ABCA13: variants seen among roughly 807,000 people sequenced by gnomAD.
ABCA13 encodes ATP-binding cassette sub-family A member 13.
In ABCA13, 476 loss-of-function variants were observed where a neutral mutation model predicts 478.7. That is an observed-to-expected ratio of 0.99 (90% CI 0.92 to 1.07). ABCA13 has a LOEUF of 1.07. ABCA13 is among the 50% of genes least tolerant of loss of function. The pLI, the probability that ABCA13 is intolerant of heterozygous loss-of-function variation, is 0.00. For missense variants in ABCA13, 6,060 were observed against 5,910.6 expected (o/e 1.03, Z -0.83); for synonymous variants, 2,252 against 2,158.9 (o/e 1.04, Z -1.20).
intron 15 of ABCA13, among the ~76,000 whole-genome samples, chr7:48,258,090 A>G (rs1156695464): frequency 6.6e-6 from 1 of 151,936 alleles, no homozygotes; most frequent in Non-Finnish European, 1.5e-5. Context: ...TGCCCAGCTT[A>G]TTTTTAAATT....
intron 1 of ABCA13, among the ~76,000 whole-genome samples, chr7:48,181,550 GT>G (rs201965087): frequency 0.026 from 3,811 of 149,324 alleles, 170 homozygotes; most frequent in African/African-American, 0.088. Context: ...GTTGTATAAT[GT>G]TTTATCTTTT....
intron 59 of ABCA13, among the ~76,000 whole-genome samples, chr7:48,639,219 T>C (rs1457192104): frequency 2.0e-5 from 3 of 152,230 alleles, no homozygotes; most frequent in Non-Finnish European, 4.4e-5. Context: ...AGATGCCAGC[T>C]ACACATCAAG....
intron 55 of ABCA13, among the ~76,000 whole-genome samples, chr7:48,537,415 G>A (rs921424167): frequency 6.6e-5 from 10 of 152,072 alleles, no homozygotes; most frequent in African/African-American, 1.9e-4. Flanking sequence ...AGTAGCACTC[G>A]AACATGAATT....
At chr7:48,539,888 A>G (rs550451645) in intron 55 of ABCA13, among the ~76,000 whole-genome samples, 21 of 152,332 alleles carry the variant, frequency 1.4e-4, no homozygotes, top group African/African-American at 4.6e-4. Context: ...TCCAAATGCT[A>G]CATGCTATAT....
At chr7:48,202,689 C>T (rs368615226) in intron 3 of ABCA13, among the ~76,000 whole-genome samples, 30,069 of 137,004 alleles carry the variant, frequency 0.22, 3,285 homozygotes, top group Middle Eastern at 0.29. Context: ...AGAGTGTCAA[C>T]TGGTGCACTC....
intron 7 of ABCA13, among the ~76,000 whole-genome samples, chr7:48,232,246 A>T (rs1489042374): frequency 2.1e-5 from 3 of 142,646 alleles, no homozygotes; most frequent in Non-Finnish European, 3.0e-5. Context: ...AGTATTTCTT[A>T]TGCTGAGAAC....
At chr7:48,362,409 C>CTTTT (rs35795708) in intron 31 of ABCA13, among the ~76,000 whole-genome samples, 231 of 85,896 alleles carry the variant, frequency 2.7e-3, no homozygotes, top group African/African-American at 6.6e-3. Context: ...TCCTCTTCTT[C>CTTTT]TTTTTTTTTT....
At chr7:48,261,252 G>C (rs1326950581) in intron 15 of ABCA13, among the ~76,000 whole-genome samples, 1 of 151,802 alleles carries the variant, frequency 6.6e-6, no homozygotes, top group Non-Finnish European at 1.5e-5. Flanking sequence ...ACTTTATTTA[G>C]TTTATAGTGT....
intron 55 of ABCA13, among the ~76,000 whole-genome samples, chr7:48,538,099 C>CTTTTTTT (rs1563409461): frequency 4.2e-5 from 5 of 120,010 alleles, no homozygotes; most frequent in Admixed American, 9.0e-5. Context: ...TTCTTTCTTT[C>CTTTTTTT]CTTTTTTTTT....
At chr7:48,456,889 C>A (rs1199975260) in intron 43 of ABCA13, among the ~76,000 whole-genome samples, 3 of 151,884 alleles carry the variant, frequency 2.0e-5, no homozygotes, top group Non-Finnish European at 4.4e-5. Flanking sequence ...TTATTCTTAC[C>A]ATCAGACATT....
intron 29 of ABCA13, among the ~76,000 whole-genome samples, chr7:48,344,596 A>G (rs932718249): frequency 7.2e-5 from 11 of 152,316 alleles, no homozygotes; most frequent in Admixed American, 5.2e-4. Flanking sequence ...TTTCAGACTT[A>G]AAGTAGCCTG....
chr7:48,584,032 T>C (rs1788946953), intron 56 of ABCA13, among the ~76,000 whole-genome samples: 2 of 152,206 alleles, frequency 1.3e-5, no homozygotes, highest in Non-Finnish European at 1.5e-5. Context: ...AAATATGCAA[T>C]AATAATTTGG....
chr7:48,295,913 GA>G (rs1429954516), intron 21 of ABCA13, 50 bp downstream of exon 21: 12 of 1,547,032 alleles, frequency 7.8e-6, no homozygotes, highest in Non-Finnish European at 9.6e-6. Flanking sequence ...CATTCATAGA[GA>G]GGATGTCTAG....
intron 55 of ABCA13, among the ~76,000 whole-genome samples, chr7:48,559,515 G>A (rs533387487): frequency 2.6e-5 from 4 of 152,170 alleles, no homozygotes; most frequent in East Asian, 1.9e-4. Context: ...GGTACCATAA[G>A]CGCTCCACCC....
At chr7:48,348,241 C>G (rs1808407335) in intron 29 of ABCA13, among the ~76,000 whole-genome samples, 1 of 152,114 alleles carries the variant, frequency 6.6e-6, no homozygotes, top group Non-Finnish European at 1.5e-5. Flanking sequence ...AGGCTCAGAA[C>G]TTTTCCAAGG....
chr7:48,496,288 A>C (rs1164053347), intron 48 of ABCA13, among the ~76,000 whole-genome samples: 1 of 152,064 alleles, frequency 6.6e-6, no homozygotes, highest in East Asian at 1.9e-4. Context: ...GTTATAATAC[A>C]TATATATGAC....
intron 1 of ABCA13, among the ~76,000 whole-genome samples, chr7:48,179,534 C>T (rs2128866597): frequency 6.6e-6 from 1 of 152,296 alleles, no homozygotes; most frequent in African/African-American, 2.4e-5. Context: ...TGTCATCCTC[C>T]AGGTTTGAAG....
At chr7:48,237,565 G>T (rs1290580090) in intron 8 of ABCA13, among the ~76,000 whole-genome samples, 1 of 152,138 alleles carries the variant, frequency 6.6e-6, no homozygotes, top group Non-Finnish European at 1.5e-5. Flanking sequence ...ATCTGCAAAG[G>T]TGGTTTCACA....
At chr7:48,300,250 G>A (rs1799964508) in intron 23 of ABCA13, among the ~76,000 whole-genome samples, 1 of 152,218 alleles carries the variant, frequency 6.6e-6, no homozygotes, top group South Asian at 2.1e-4. Flanking sequence ...GTGGCATGCA[G>A]GGAATACTCT....
Sources: gnomAD v4.1 joint callset for allele counts (sites outside exome capture counted in the v4.1 genomes callset) on GRCh38, gnomAD v4.1.1 for gene constraint, MANE v1.5 for transcripts, NCBI Gene and HGNC (gene_info 2026-07-23, HGNC 2026-07-21) for gene names.